Variants in PTPN3 observed in about 807,000 individuals in gnomAD.
PTPN3 encodes the protein protein tyrosine phosphatase non-receptor type 3.
Under a neutral mutation model 132.7 loss-of-function variants are expected in PTPN3, and 96 were observed. The ratio of observed to expected loss-of-function variants is 0.72; its 90% confidence interval spans 0.61 to 0.86. The LOEUF (loss-of-function observed/expected upper bound fraction) is 0.86, where lower values mean the gene tolerates loss of function less well. Ranked by LOEUF, PTPN3 falls within the 40% of genes least tolerant of loss-of-function variation. The pLI is 0.00. For synonymous variants in PTPN3, 398 were observed against 429.0 expected (o/e 0.93, Z 0.89); for missense variants, 1,125 against 1,159.6 (o/e 0.97, Z 0.43).
the PTPN3 span, among the ~76,000 whole-genome samples, chr9:109,516,197 G>T: frequency 6.6e-6 from 1 of 152,192 alleles, no homozygotes; most frequent in Non-Finnish European, 1.5e-5. Context: ...TCATTCACTC[G>T]TGATGATAGG....
intron 12 of PTPN3, among the ~76,000 whole-genome samples, chr9:109,423,161 A>C (rs915320906): frequency 3.9e-5 from 6 of 152,268 alleles, no homozygotes; most frequent in African/African-American, 1.4e-4. Flanking sequence ...ATACAGCTCC[A>C]GTGATTTCAA....
the PTPN3 span, chr9:109,533,798 G>T: frequency 4.8e-6 from 5 of 1,039,552 alleles, no homozygotes; most frequent in Non-Finnish European, 7.2e-6. Flanking sequence ...CTGGCCTTGG[G>T]GAGCACGCTC....
intron 23 of PTPN3, 54 bp from the exon 24 acceptor site, chr9:109,382,501 C>A: frequency 2.5e-6 from 4 of 1,598,254 alleles, no homozygotes; most frequent in Non-Finnish European, 3.4e-6. Context: ...AGCATGAGGA[C>A]CCAGCCCCAA....
At chr9:109,417,842 T>C (rs1210890249) in intron 14 of PTPN3, 1 of 950,346 alleles carries the variant, frequency 1.1e-6, no homozygotes, top group Non-Finnish European at 1.3e-6. Context: ...TTCTTAACAT[T>C]TAGCTGCAAG....
chr9:109,405,133 T>A (rs768328253), intron 18 of PTPN3, among the ~76,000 whole-genome samples: 9 of 152,202 alleles, frequency 5.9e-5, no homozygotes, highest in Admixed American at 2.6e-4. Context: ...AGTCCTAGCA[T>A]CTCTTCTGTG....
At chr9:109,414,916 T>C (rs1842353885) in intron 14 of PTPN3, among the ~76,000 whole-genome samples, 1 of 152,138 alleles carries the variant, frequency 6.6e-6, no homozygotes, top group South Asian at 2.1e-4. Context: ...GGTGTGATGT[T>C]GCTCATGTGA....
At chr9:109,415,077 A>ATCCGTCCGT (rs1564413770) in intron 14 of PTPN3, among the ~76,000 whole-genome samples, 1 of 125,074 alleles carries the variant, frequency 8.0e-6, no homozygotes, top group Non-Finnish European at 1.7e-5. Flanking sequence ...CGTCCATCCA[A>ATCCGTCCGT]CCATCCATCC....
chr9:109,500,808 C>G (rs1847854280), upstream of PTPN3, among the ~76,000 whole-genome samples: 1 of 151,396 alleles, frequency 6.6e-6, no homozygotes, highest in Non-Finnish European at 1.5e-5. Flanking sequence ...GCACCTGTGG[C>G]CTCAGCTACA....
chr9:109,525,130 C>T, the PTPN3 span, among the ~76,000 whole-genome samples: 3 of 152,146 alleles, frequency 2.0e-5, no homozygotes, highest in African/African-American at 7.2e-5. Context: ...TGGCTCACTG[C>T]AACCTTGACC....
chr9:109,458,933 C>A (rs1254555138), intron 2 of PTPN3, among the ~76,000 whole-genome samples: 1 of 152,194 alleles, frequency 6.6e-6, no homozygotes, highest in Non-Finnish European at 1.5e-5. Context: ...GATCTCTAAT[C>A]TTTGCAGCAA....
chr9:109,535,043 G>A, the PTPN3 span, among the ~76,000 whole-genome samples: 21 of 152,260 alleles, frequency 1.4e-4, no homozygotes, highest in African/African-American at 4.8e-4. Flanking sequence ...AGATGAAGTG[G>A]GTTAATTTTA....
chr9:109,459,118 C>A (rs892894891), intron 2 of PTPN3, among the ~76,000 whole-genome samples: 1 of 152,220 alleles, frequency 6.6e-6, no homozygotes, highest in Non-Finnish European at 1.5e-5. Flanking sequence ...GGTATCTATT[C>A]TGCATAATTC....
At chr9:109,419,983 C>T (rs1361313452) in intron 14 of PTPN3, among the ~76,000 whole-genome samples, 3 of 152,188 alleles carry the variant, frequency 2.0e-5, no homozygotes, top group Non-Finnish European at 4.4e-5. Context: ...CCCCTCAGAA[C>T]CCTGTTGTTC....
rs1008702756 is a variant in PTPN3, at chr9:109,422,691, A to C, written c.1136+27T>G. ...GATAAAGTGTCTACTGTTGGGTAGT[A>C]CAAAAAAAAAAAAAAGGAGGACATA... is the stretch of plus-strand genomic sequence containing the variant. On this transcript the variant is annotated intron_variant, in intron 13 of 25. Transcript: ENST00000374541. 8.8e-6 allele frequency: 13 copies of C among 1,468,940 alleles called. No homozygotes were observed. In the South Asian group the frequency reaches 1.0e-4, roughly 11 times the overall value. 91.0% of individuals were successfully genotyped at this position (1,468,940 alleles called of 1,614,324 possible). A position where few individuals can be genotyped will look rare whatever the true frequency, so the allele number is the denominator to read the frequency against.
the PTPN3 span, among the ~76,000 whole-genome samples, chr9:109,517,217 C>G: frequency 6.6e-6 from 1 of 152,064 alleles, no homozygotes; most frequent in African/African-American, 2.4e-5. Context: ...TAGGAAATCC[C>G]AAGCAAGGAC....
intron 18 of PTPN3, among the ~76,000 whole-genome samples, chr9:109,406,137 G>T (rs147164478): frequency 9.2e-5 from 14 of 152,318 alleles, no homozygotes; most frequent in African/African-American, 3.1e-4. Context: ...GCAAATGTCT[G>T]CAGAGTCATG....
At chr9:109,501,232 A>C (rs529523075), upstream of PTPN3, among the ~76,000 whole-genome samples, 1 of 152,224 alleles carries the variant, frequency 6.6e-6, no homozygotes. Context: ...ATCACTCTAC[A>C]GAGTGGGTGT....
chr9:109,408,948 G>A (rs2131751935), intron 16 of PTPN3, among the ~76,000 whole-genome samples: 1 of 151,542 alleles, frequency 6.6e-6, no homozygotes, highest in South Asian at 2.1e-4. Flanking sequence ...TCTGGCCTGT[G>A]AGCGCTGGTC....
intron 4 of PTPN3, among the ~76,000 whole-genome samples, chr9:109,456,618 C>G (rs994262133): frequency 1.3e-5 from 2 of 152,142 alleles, no homozygotes; most frequent in Non-Finnish European, 2.9e-5. Context: ...GAACATCAGG[C>G]CGAGAGCAGA....
Sources: gnomAD v4.1 joint callset for allele counts (sites outside exome capture counted in the v4.1 genomes callset) on GRCh38, gnomAD v4.1.1 for gene constraint, MANE v1.5 for transcripts, NCBI Gene and HGNC (gene_info 2026-07-23, HGNC 2026-07-21) for gene names.